Variants in RBMS2 observed in about 807,000 individuals in gnomAD.
The protein encoded by RBMS2 is RNA-binding motif, single-stranded-interacting protein 2.
In RBMS2, 38 loss-of-function variants were observed where a neutral mutation model predicts 58.4. The observed-to-expected ratio is 0.65, with a 90% CI of 0.50 to 0.85. The LOEUF is 0.85. Ranked by LOEUF, RBMS2 falls within the 40% of genes least tolerant of loss-of-function variation. The pLI is 0.00. For missense variants in RBMS2, 367 were observed against 503.7 expected, an observed-to-expected ratio of 0.73 and a Z score of 2.60; for synonymous variants, 151 against 180.7, an observed-to-expected ratio of 0.84 and a Z score of 1.32.
At chr12:56,572,991 C>G in intron 5 of RBMS2, 4 of 978,326 alleles carry the variant, frequency 4.1e-6, no homozygotes, top group Non-Finnish European at 4.9e-6. Flanking sequence ...CCTCCCTTAG[C>G]CCACTTAAGA....
upstream of RBMS2, among the ~76,000 whole-genome samples, chr12:56,521,720 GA>G (rs1454641697): frequency 6.7e-6 from 1 of 150,310 alleles, no homozygotes; most frequent in Non-Finnish European, 1.5e-5. Flanking sequence ...CTGAGACTAT[GA>G]AAAACAAACA....
chr12:56,553,397 C>A (rs568539141), intron 1 of RBMS2, among the ~76,000 whole-genome samples: 4 of 152,168 alleles, frequency 2.6e-5, no homozygotes, highest in African/African-American at 9.6e-5. Flanking sequence ...GGTGTGATCT[C>A]TACTCACTAC....
rs544344413 is a variant in RBMS2 at position 56,560,147 on chromosome 12, G to A, written c.67-2270G>A. ...TGACCTCAAATGATCCACCCGCCTCGGCCTCCCAAAGTGCTGGGATTACAG... is the reference window on the plus strand; with the variant it reads ...TGACCTCAAATGATCCACCCGCCTCAGCCTCCCAAAGTGCTGGGATTACAG... On this transcript the variant is annotated intron_variant, in intron 1 of 13. Coordinates refer to ENST00000262031, the MANE Select transcript of RBMS2 (RefSeq NM_002898.4). 6.6e-5 allele frequency among the ~76,000 whole-genome samples: 10 copies of A among 151,776 alleles called. 2 individuals carry two copies. The highest frequency in any genetic ancestry group is 2.4e-4 in the African/African-American group (10 of 41,428).
At chr12:56,568,888 G>T (rs574753281) in intron 2 of RBMS2, 87 bp from the exon 3 acceptor site, 1 of 1,135,100 alleles carries the variant, frequency 8.8e-7, no homozygotes, top group Non-Finnish European at 1.3e-6. Flanking sequence ...CATGGAAAGG[G>T]CATGGATTTG....
In RBMS2 at chr12:56,595,406, ACATATTTTG is replaced by A. The variant is rs1885672817; in HGVS notation, c.*6282_*6290del. The A allele has an allele frequency of 6.6e-6, 1 of 152,160 alleles. No individual in the cohort carries two copies. Among genetic ancestry groups the A allele is most frequent in the Non-Finnish European group, 1.5e-5 (1 of 68,030 alleles). 9.4% of individuals were successfully genotyped at this position (152,160 alleles called of 1,614,324 possible). ...ACAGAAAATGTTTATACTTAAACAG[ACATATTTTG>A]CATATTTTTATCTGGAGACTTCTTC... On this transcript the variant is annotated 3_prime_UTR_variant, in exon 14 of 14. Coordinates refer to ENST00000262031, the MANE Select transcript of RBMS2 (RefSeq NM_002898.4).
intron 7 of RBMS2, 35 bp from the exon 8 acceptor site, chr12:56,581,798 G>C (rs751229913): frequency 2.5e-6 from 4 of 1,612,168 alleles, no homozygotes; most frequent in Admixed American, 1.7e-5. Context: ...TCACTCAAGG[G>C]CTCACAATGT....
At position 56,584,853 on chromosome 12, in the gene RBMS2, C is replaced by T. The variant is rs1461593649; in HGVS notation, c.874-1996C>T. Among the ~76,000 whole-genome samples the T allele has an allele frequency of 1.7e-4, 21 of 122,626 alleles. No homozygotes were observed. In the East Asian group the frequency reaches 3.7e-3, roughly 21 times the overall value. The allele number at this position is 122,626 out of a possible 152,430, so 80.4% of individuals were successfully genotyped here. On this transcript the variant is annotated intron_variant, in intron 9 of 13. Coordinates refer to ENST00000262031, the MANE Select transcript of RBMS2 (RefSeq NM_002898.4). ...TTTTTTTTTTTTTGTGACCGAGTTT[C>T]GCTCTTGTTGCCCAGGCTGGAGTAC... is the stretch of plus-strand genomic sequence containing the variant.
intron 1 of RBMS2, among the ~76,000 whole-genome samples, chr12:56,536,812 C>T (rs1874970067): frequency 6.6e-6 from 1 of 151,950 alleles, no homozygotes; most frequent in South Asian, 2.1e-4. Flanking sequence ...CATGATCTGC[C>T]CCCCTTGGCC....
chr12:56,588,534 C>CA, intron 12 of RBMS2, 160 bp downstream of exon 12: 1 of 665,530 alleles, frequency 1.5e-6, no homozygotes, highest in Non-Finnish European at 2.6e-6. Context: ...GCTTCGGCAG[C>CA]ATGCATACTA....
Position 56,591,352 on chromosome 12 carries a change from A to G in RBMS2, c.*2219A>G, listed in dbSNP as rs1885292709. ...TAGAATTGAGAGTCCCAGTGCCCCT[A>G]GTGTCGACTTTCTATGTACATCCTA... On this transcript the variant is annotated 3_prime_UTR_variant, in exon 14 of 14. Coordinates refer to ENST00000262031, the MANE Select transcript of RBMS2 (RefSeq NM_002898.4). The G allele has an allele frequency of 2.0e-5, 3 of 152,118 alleles. No individual in the cohort carries two copies. Among genetic ancestry groups the G allele is most frequent in the South Asian group, 4.1e-4 (2 of 4,826 alleles). 9.4% of individuals were successfully genotyped at this position (152,118 alleles called of 1,614,324 possible).
chr12:56,576,295 C>G (rs1264449155), intron 5 of RBMS2, among the ~76,000 whole-genome samples: 1 of 152,042 alleles, frequency 6.6e-6, no homozygotes, highest in African/African-American at 2.4e-5. Flanking sequence ...CAAGATCACA[C>G]CACTGCACTC....
intron 1 of RBMS2, among the ~76,000 whole-genome samples, chr12:56,546,070 G>A (rs1032823269): frequency 1.3e-5 from 2 of 149,182 alleles, no homozygotes; most frequent in African/African-American, 4.9e-5. Flanking sequence ...CGAGTAGTTG[G>A]GATTACAGGC....
rs904787306 is a variant in RBMS2, at chr12:56,582,006, C to A, written c.780-53C>A. Reference sequence around the variant, plus strand: ...GTTGGCTGTGCCTATCAGTTGGGACCCTTCCCTTGTGGTTTCCTGTGACTC... The same window carrying A: ...GTTGGCTGTGCCTATCAGTTGGGACACTTCCCTTGTGGTTTCCTGTGACTC... On this transcript the variant is annotated intron_variant, in intron 8 of 13. Coordinates refer to ENST00000262031, the MANE Select transcript of RBMS2 (RefSeq NM_002898.4). 13 of 1,566,830 alleles carry A rather than the reference C, an allele frequency of 8.3e-6. No individual in the cohort carries two copies. The Admixed American group carries it at 8.6e-5, about 10-fold the overall frequency.
intron 1 of RBMS2, among the ~76,000 whole-genome samples, chr12:56,556,400 G>A (rs1879240533): frequency 7.1e-6 from 1 of 140,894 alleles, no homozygotes; most frequent in Admixed American, 7.4e-5. Context: ...TTTGATGACA[G>A]AGTCTCACTC....
chr12:56,588,836 A>AG, intron 12 of RBMS2, 96 bp from the exon 13 acceptor site: 1 of 1,149,186 alleles, frequency 8.7e-7, no homozygotes, highest in Admixed American at 1.7e-5. Flanking sequence ...TAGGTTTGGG[A>AG]GGGCACTCGA....
intron 5 of RBMS2, among the ~76,000 whole-genome samples, chr12:56,580,570 C>T (rs940036172): frequency 3.3e-5 from 5 of 152,152 alleles, no homozygotes; most frequent in Admixed American, 2.6e-4. Context: ...ACTCACAGAG[C>T]TCTGGGTGGC....
chr12:56,536,344 G>A (rs1874828827), intron 1 of RBMS2, among the ~76,000 whole-genome samples: 1 of 151,562 alleles, frequency 6.6e-6, no homozygotes, highest in African/African-American at 2.4e-5. Context: ...GGCTGTTCTT[G>A]AACTCCTGGA....
chr12:56,559,845 T>C (rs1880034331), intron 1 of RBMS2, among the ~76,000 whole-genome samples: 2 of 33,384 alleles, frequency 6.0e-5, no homozygotes, highest in African/African-American at 2.4e-4. Flanking sequence ...AGCAAGACTC[T>C]GCCTCAAAAA....
Position 56,541,908 on chromosome 12 carries a change from A to G in RBMS2, c.66+19819A>G, listed in dbSNP as rs138682207. 7.9e-3 allele frequency among the ~76,000 whole-genome samples: 1,205 copies of G among 152,302 alleles called. 18 individuals are homozygous for G. Among genetic ancestry groups the G allele is most frequent in the African/African-American group, 0.027 (1,102 of 41,570 alleles). On this transcript the variant is annotated intron_variant, in intron 1 of 13. Coordinates refer to ENST00000262031, the MANE Select transcript of RBMS2 (RefSeq NM_002898.4). ...TTGAAAGAAACATCTGGAGTAGGGA[A>G]TAAGTGTTTTTCCCTAAGATGATAA... is the stretch of plus-strand genomic sequence containing the variant.
Sources: gnomAD v4.1 joint callset for allele counts (sites outside exome capture counted in the v4.1 genomes callset) on GRCh38, gnomAD v4.1.1 for gene constraint, MANE v1.5 for transcripts, NCBI Gene and HGNC (gene_info 2026-07-23, HGNC 2026-07-21) for gene names.